TRAPPC12: variants seen among roughly 807,000 people sequenced by gnomAD.
The protein encoded by TRAPPC12 is trafficking protein particle complex subunit 12.
Under a neutral mutation model 69.2 loss-of-function variants are expected in TRAPPC12, and 61 were observed. That is an observed-to-expected ratio of 0.88 (90% CI 0.72 to 1.09). TRAPPC12 has a LOEUF of 1.09. TRAPPC12 is among the 50% of genes least tolerant of loss of function. TRAPPC12 has a pLI of 0.00. For synonymous variants in TRAPPC12, 469 were observed against 438.9 expected (o/e 1.07, Z -0.86); for missense variants, 1,101 against 1,016.4 (o/e 1.08, Z -1.13).
intron 3 of TRAPPC12, among the ~76,000 whole-genome samples, chr2:3,415,585 G>T (rs532240981): frequency 6.6e-6 from 1 of 151,564 alleles, no homozygotes; most frequent in East Asian, 2.0e-4. Flanking sequence ...TGTATTTTTG[G>T]TGGAACTGGA....
At chr2:3,450,066 G>T (rs1209343084) in intron 6 of TRAPPC12, among the ~76,000 whole-genome samples, 1 of 152,088 alleles carries the variant, frequency 6.6e-6, no homozygotes, top group African/African-American at 2.4e-5. Context: ...GCTGGCAGTG[G>T]AAATTCACAC....
chr2:3,389,145 T>C (rs946283868), intron 2 of TRAPPC12: 1 of 155,676 alleles, frequency 6.4e-6, no homozygotes, highest in Non-Finnish European at 1.4e-5. Context: ...AACATACAAA[T>C]GTTCGATCTC....
intron 9 of TRAPPC12, 138 bp downstream of exon 9, chr2:3,465,833 A>G (rs1225256075): frequency 7.3e-6 from 5 of 683,236 alleles, no homozygotes; most frequent in Non-Finnish European, 7.7e-6. Context: ...TGTGACCATG[A>G]AAAGGGTGGG....
At chr2:3,404,108 G>A (rs2103475384) in intron 3 of TRAPPC12, among the ~76,000 whole-genome samples, 1 of 152,288 alleles carries the variant, frequency 6.6e-6, no homozygotes, top group East Asian at 1.9e-4. Flanking sequence ...CGGGCCACCT[G>A]GAACCCCTTT....
At chr2:3,381,943 G>C (rs1660230536) in intron 1 of TRAPPC12, among the ~76,000 whole-genome samples, 1 of 152,142 alleles carries the variant, frequency 6.6e-6, no homozygotes, top group Admixed American at 6.6e-5. Flanking sequence ...TGAATATACA[G>C]AGTCATGCTG....
chr2:3,389,557 C>T (rs567865920), intron 2 of TRAPPC12: 22 of 423,304 alleles, frequency 5.2e-5, no homozygotes, highest in African/African-American at 3.2e-4. Flanking sequence ...TTACAGCGTG[C>T]ACACAGCTCT....
intron 7 of TRAPPC12, chr2:3,458,125 G>A (rs1468779198): frequency 9.8e-7 from 1 of 1,025,146 alleles, no homozygotes. Context: ...GGAGAGGAAG[G>A]CCCAGAGCCT....
chr2:3,396,680 G>C (rs1005333354), intron 2 of TRAPPC12, among the ~76,000 whole-genome samples: 5 of 152,052 alleles, frequency 3.3e-5, no homozygotes, highest in Admixed American at 6.5e-5. Context: ...TTCTACTGCT[G>C]TCCTTAAGTT....
chr2:3,398,811 T>C (rs1254898639), intron 2 of TRAPPC12, among the ~76,000 whole-genome samples: 2 of 152,218 alleles, frequency 1.3e-5, no homozygotes, highest in Admixed American at 6.5e-5. Context: ...TTGTGATATA[T>C]TCATGTGTTT....
intron 6 of TRAPPC12, among the ~76,000 whole-genome samples, chr2:3,446,007 T>C (rs1250583279): frequency 6.6e-6 from 1 of 152,138 alleles, no homozygotes; most frequent in African/African-American, 2.4e-5. Context: ...CTAAGCATCG[T>C]AGGGTTGGGG....
chr2:3,412,679 C>T (rs55840150), intron 3 of TRAPPC12, among the ~76,000 whole-genome samples: 38,361 of 152,026 alleles, frequency 0.25, 5,022 homozygotes, highest in East Asian at 0.41. Flanking sequence ...CGACACAGAG[C>T]GGCCAGCTAC....
At chr2:3,389,553 C>T (rs1474462569) in intron 2 of TRAPPC12, 12 of 417,208 alleles carry the variant, frequency 2.9e-5, no homozygotes, top group Non-Finnish European at 2.0e-5. Flanking sequence ...GATGTTACAG[C>T]GTGCACACAG....
intron 6 of TRAPPC12, among the ~76,000 whole-genome samples, chr2:3,447,995 C>G (rs1023663454): frequency 2.6e-5 from 4 of 152,236 alleles, no homozygotes; most frequent in African/African-American, 9.6e-5. Context: ...CCAAACCACA[C>G]GCACACACAC....
chr2:3,407,135 G>A (rs926413342), intron 3 of TRAPPC12, among the ~76,000 whole-genome samples: 1 of 152,224 alleles, frequency 6.6e-6, no homozygotes, highest in African/African-American at 2.4e-5. Flanking sequence ...CAGGGAAATG[G>A]ATGTCACAGC....
In TRAPPC12 at chr2:3,424,527, C is replaced by T; in HGVS notation, c.1281C>T (p.Leu427=). The part of the protein sequence containing the change: ...LTSHTTDSLQ[L]WFVRLALLVK... ...TTTCCATTGTATTTTGTTTTTAGCT[C>T]TGGTTTGTCAGGCTGGCACTACTAG... Residue 427 remains leucine, a splice_region_variant and synonymous_variant, in exon 5 of 12, where the codon CTC becomes CTT. Transcript: ENST00000324266. The T allele has an allele frequency of 6.2e-7, 1 of 1,612,072 alleles. No individual in the cohort carries two copies. Among genetic ancestry groups the T allele is most frequent in the African/African-American group, 1.3e-5 (1 of 74,856 alleles).
rs771720522 is a variant in TRAPPC12 at position 3,477,703 on chromosome 2, CAT to C, written c.1787_1788del (p.Ile596LysfsTer4). ...IGRISLQIGDIKTAEKYFQDV... is the reference protein window; with the variant it reads ...IGRISLQIGDXKTAEKYFQDV... ...AAATTTTGTCAAAGCAGATTGGAGA[CAT>C]AAAAACAGCTGAAAAGTATTTTCAA... On this transcript the variant is annotated frameshift_variant, in exon 10 of 12. Transcript: ENST00000324266. LOFTEE classifies it high-confidence loss of function. 3 of 1,605,010 alleles carry C rather than the reference CAT, an allele frequency of 1.9e-6. No homozygotes were observed. Among genetic ancestry groups the C allele is most frequent in the East Asian group, 2.2e-5 (1 of 44,748 alleles).
intron 2 of TRAPPC12, among the ~76,000 whole-genome samples, chr2:3,395,254 G>A (rs1572092077): frequency 6.6e-6 from 1 of 152,174 alleles, no homozygotes; most frequent in African/African-American, 2.4e-5. Flanking sequence ...AGGATCTCAT[G>A]TATTAATCCT....
chr2:3,454,576 G>A (rs967272862), intron 6 of TRAPPC12: 3 of 152,630 alleles, frequency 2.0e-5, no homozygotes, highest in Admixed American at 2.0e-4. Flanking sequence ...TGCTGCAGGT[G>A]GAGCTCCCGT....
intron 9 of TRAPPC12, among the ~76,000 whole-genome samples, chr2:3,473,222 G>A (rs1286919861): frequency 2.0e-5 from 3 of 152,174 alleles, no homozygotes; most frequent in African/African-American, 7.2e-5. Flanking sequence ...CCCTGGGGCC[G>A]GCTCTGCTGT....
Sources: allele counts gnomAD v4.1 joint callset (sites outside exome capture counted in the v4.1 genomes callset), GRCh38; gene constraint gnomAD v4.1.1; transcripts MANE v1.5; gene names NCBI Gene and HGNC (gene_info 2026-07-23, HGNC 2026-07-21).